The following DDX4 variants were observed in gnomAD, a reference collection of about 807,000 sequenced individuals.
DDX4 encodes the protein DEAD-box helicase 4, also known as probable ATP-dependent RNA helicase DDX4.
A neutral mutation model predicts 100.0 loss-of-function variants in DDX4; 25 were observed. The ratio of observed to expected loss-of-function variants is 0.25; its 90% CI spans 0.18 to 0.35. The LOEUF is 0.35. Ranked by LOEUF, DDX4 falls within the 10% of genes least tolerant of loss-of-function variation. The pLI is 1.00. For synonymous variants in DDX4, 259 were observed against 275.7 expected, an observed-to-expected ratio of 0.94 and a Z score of 0.60; for missense variants, 635 against 882.4, an observed-to-expected ratio of 0.72 and a Z score of 3.55.
intron 18 of DDX4, among the ~76,000 whole-genome samples, chr5:55,807,212 G>A (rs1348567214): frequency 6.6e-6 from 1 of 152,102 alleles, no homozygotes; most frequent in Non-Finnish European, 1.5e-5. Flanking sequence ...GAGCCTATGT[G>A]TGGCTCTGCA....
intron 21 of DDX4, 51 bp downstream of exon 21, chr5:55,815,474 ATGT>A (rs1372506194): frequency 1.3e-5 from 20 of 1,574,998 alleles, no homozygotes; most frequent in Non-Finnish European, 1.6e-5. Flanking sequence ...CTCTTTGTAA[ATGT>A]TGTGCTTAAT....
intron 7 of DDX4, among the ~76,000 whole-genome samples, chr5:55,779,173 A>G (rs1340772982): frequency 1.3e-5 from 2 of 152,190 alleles, no homozygotes; most frequent in Non-Finnish European, 2.9e-5. Context: ...TTATATTTTT[A>G]ACTTACATAT....
At chr5:55,748,790 A>G (rs540830310) in intron 3 of DDX4, among the ~76,000 whole-genome samples, 9 of 152,308 alleles carry the variant, frequency 5.9e-5, no homozygotes, top group Admixed American at 2.0e-4. Flanking sequence ...TTTAGCTACC[A>G]TTGATGTCTA....
chr5:55,767,793 C>T (rs1580544162), intron 6 of DDX4, 88 bp from the exon 7 acceptor site: 2 of 875,848 alleles, frequency 2.3e-6, no homozygotes, highest in African/African-American at 3.4e-5. Context: ...TGTCTTCTTA[C>T]TAATTTATCT....
chr5:55,795,087 T>G, intron 17 of DDX4, among the ~76,000 whole-genome samples: 1 of 151,406 alleles, frequency 6.6e-6, no homozygotes, highest in East Asian at 2.0e-4. Context: ...TCCCTCAGCC[T>G]CCTGAGTGGC....
chr5:55,763,988 A>G lies in DDX4; in HGVS notation c.284-26A>G, dbSNP rs747104813. ...CATTTTTACCACAGAGGTACAGGAA[A>G]TTGTTTCATTTTATATTTTGTATAG... is the stretch of plus-strand genomic sequence containing the variant. On this transcript the variant is annotated intron_variant, in intron 5 of 21. Coordinates refer to ENST00000505374, the MANE Select transcript of DDX4 (RefSeq NM_024415.3). 3.9e-6 allele frequency: 6 copies of G among 1,556,770 alleles called. No individual in the cohort carries two copies. The East Asian group carries it at 1.1e-4, about 29-fold the overall frequency.
At chr5:55,808,743 A>T (rs1743917364) in intron 18 of DDX4, among the ~76,000 whole-genome samples, 1 of 152,198 alleles carries the variant, frequency 6.6e-6, no homozygotes. Context: ...GGTGCCTCCC[A>T]GTTAGGCTCC....
chr5:55,791,971 A>C (rs535674583), intron 16 of DDX4, among the ~76,000 whole-genome samples: 29 of 151,832 alleles, frequency 1.9e-4, no homozygotes, highest in East Asian at 9.7e-4. Flanking sequence ...CACACACACA[A>C]AAATTAGCCA....
At chr5:55,748,200 C>T (rs898518777) in intron 3 of DDX4, among the ~76,000 whole-genome samples, 2 of 152,188 alleles carry the variant, frequency 1.3e-5, no homozygotes, top group Non-Finnish European at 2.9e-5. Flanking sequence ...CTCAGAAGTT[C>T]TTGGAATCCT....
At chr5:55,747,612 G>A (rs1211780395) in intron 3 of DDX4, among the ~76,000 whole-genome samples, 1 of 152,138 alleles carries the variant, frequency 6.6e-6, no homozygotes, top group Non-Finnish European at 1.5e-5. Context: ...ATTTTAATGT[G>A]TACAGTTCAG....
intron 7 of DDX4, among the ~76,000 whole-genome samples, chr5:55,771,104 G>A (rs1741226678): frequency 6.6e-6 from 1 of 151,918 alleles, no homozygotes; most frequent in African/African-American, 2.4e-5. Flanking sequence ...TTGCATATAG[G>A]GGTCACTCAG....
At chr5:55,793,056 TTG>T (rs1250124612) in intron 17 of DDX4, among the ~76,000 whole-genome samples, 1 of 136,334 alleles carries the variant, frequency 7.3e-6, no homozygotes, top group African/African-American at 2.7e-5. Flanking sequence ...GTGTGTGTGT[TTG>T]TGTGTGTTGT....
chr5:55,816,425 T>C, intron 21 of DDX4, 38 bp from the exon 22 acceptor site: 1 of 1,548,360 alleles, frequency 6.5e-7, no homozygotes. Flanking sequence ...ATTAAATGTT[T>C]GTTTGTTTCT....
At chr5:55,774,147 A>G (rs62361898) in intron 7 of DDX4, among the ~76,000 whole-genome samples, 4 of 148,246 alleles carry the variant, frequency 2.7e-5, no homozygotes, top group Non-Finnish European at 4.5e-5. Flanking sequence ...TAATTTATCT[A>G]ATTTTTTTTT....
At chr5:55,739,103 G>C in intron 2 of DDX4, 71 bp downstream of exon 2, 1 of 913,690 alleles carries the variant, frequency 1.1e-6, no homozygotes, top group Admixed American at 1.9e-5. Flanking sequence ...TGTGGTGAGA[G>C]TTCTAAATTA....
At chr5:55,764,981 C>T (rs1336907731) in intron 6 of DDX4, among the ~76,000 whole-genome samples, 4 of 152,248 alleles carry the variant, frequency 2.6e-5, no homozygotes, top group South Asian at 4.2e-4. Context: ...TAGACCTGAT[C>T]ACCTTAAAAC....
At chr5:55,805,482 T>C (rs1425835055) in intron 18 of DDX4, among the ~76,000 whole-genome samples, 2 of 151,638 alleles carry the variant, frequency 1.3e-5, no homozygotes, top group Non-Finnish European at 1.5e-5. Flanking sequence ...GCTCTTATTA[T>C]TTTGAAATAC....
chr5:55,752,754 G>A (rs13185317), intron 3 of DDX4, among the ~76,000 whole-genome samples: 85 of 143,178 alleles, frequency 5.9e-4, no homozygotes, highest in Non-Finnish European at 1.1e-3. Context: ...CTGAGGAATC[G>A]CCACACTGAC....
In DDX4 at chr5:55,792,733, T is replaced by C; in HGVS notation, c.1395T>C (p.Ser465=). The change falls in exon 17 of 22, where the codon TCT becomes TCC. Residue 465 remains serine (S), a synonymous_variant. Transcript: ENST00000505374. ...GTCCAGAAATGAAGAAGTTAATTTC[T>C]TGCCCAGGAATGCCATCAAAGGAAC... is the stretch of plus-strand genomic sequence containing the variant. ...GFGPEMKKLI[S]CPGMPSKEQR... is the part of the protein sequence containing the mutation. The C allele has an allele frequency of 2.5e-6, 4 of 1,601,974 alleles. No homozygotes were observed. The highest frequency in any genetic ancestry group is 3.4e-6 in the Non-Finnish European group (4 of 1,172,882).
Sources: allele counts gnomAD v4.1 joint callset (sites outside exome capture counted in the v4.1 genomes callset), GRCh38; gene constraint gnomAD v4.1.1; transcripts MANE v1.5; gene names NCBI Gene and HGNC (gene_info 2026-07-23, HGNC 2026-07-21).